The following ATP2B4 variants were observed in gnomAD, a reference collection of about 807,000 sequenced individuals.
ATP2B4 encodes the protein ATPase plasma membrane Ca2+ transporting 4.
In ATP2B4, 39 loss-of-function variants were observed where a neutral mutation model predicts 110.3. The ratio of observed to expected loss-of-function variants is 0.35; its 90% confidence interval spans 0.27 to 0.46. ATP2B4 has a LOEUF of 0.46. ATP2B4 is among the 20% of genes least tolerant of loss of function. The pLI, the probability that ATP2B4 is intolerant of heterozygous loss-of-function variation, is 1.00. For synonymous variants in ATP2B4, 538 were observed against 571.7 expected (o/e 0.94, Z 0.84); for missense variants, 1,135 against 1,530.9 (o/e 0.74, Z 4.32).
chr1:203,707,218 G>A lies in ATP2B4; in HGVS notation c.1309G>A (p.Val437Met), dbSNP rs1445932979. ...LAVTISLAYSVKKMMKDNNLV... is the reference protein window; with the variant it reads ...LAVTISLAYSMKKMMKDNNLV... ...TGTCACCATCTCACTGGCCTACTCT[G>A]TGAAGGTGAGACTAGAACAATCCTA... The change falls in exon 9 of 21, where the codon GTG becomes ATG. Residue 437 changes from valine to methionine, a missense_variant. Transcript: ENST00000357681. 3 of 1,613,114 alleles carry A rather than the reference G, an allele frequency of 1.9e-6. No homozygotes were observed. The highest frequency in any genetic ancestry group is 2.5e-6 in the Non-Finnish European group (3 of 1,179,446).
chr1:203,711,646 C>A (rs1243304191), intron 12 of ATP2B4, among the ~76,000 whole-genome samples: 2 of 152,154 alleles, frequency 1.3e-5, no homozygotes, highest in Non-Finnish European at 2.9e-5. Context: ...CTGGCCAAAT[C>A]GCAAAATGCC....
intron 1 of ATP2B4, among the ~76,000 whole-genome samples, chr1:203,646,142 C>T (rs781328542): frequency 7.2e-5 from 11 of 151,990 alleles, no homozygotes; most frequent in Non-Finnish European, 1.5e-4. Context: ...ATTTCAGGCA[C>T]CAAGACACAT....
At chr1:203,667,391 T>A (rs1664538445) in intron 1 of ATP2B4, among the ~76,000 whole-genome samples, 2 of 152,182 alleles carry the variant, frequency 1.3e-5, no homozygotes, top group African/African-American at 4.8e-5. Context: ...AGGGAGTGGA[T>A]ATGGGCAGCA....
intron 1 of ATP2B4, chr1:203,656,985 A>G: frequency 1.4e-6 from 1 of 728,074 alleles, no homozygotes; most frequent in Non-Finnish European, 2.5e-6. Context: ...GTAAGACTGC[A>G]TTTATGCAGC....
intron 7 of ATP2B4, 78 bp downstream of exon 7, chr1:203,702,157 C>G (rs2102388489): frequency 6.5e-7 from 1 of 1,539,168 alleles, no homozygotes; most frequent in Non-Finnish European, 9.0e-7. Flanking sequence ...TCTTCCTTCT[C>G]CCTTTTCCTC....
intron 1 of ATP2B4, among the ~76,000 whole-genome samples, chr1:203,664,363 C>A (rs752311450): frequency 6.6e-6 from 1 of 152,168 alleles, no homozygotes; most frequent in East Asian, 1.9e-4. Context: ...GCCAGAGGCA[C>A]GGGGAGGCTC....
chr1:203,733,673 C>G (rs949347694), intron 20 of ATP2B4: 11 of 391,250 alleles, frequency 2.8e-5, no homozygotes, highest in African/African-American at 2.3e-4. Context: ...TCATTTCTTC[C>G]TTTTCTTGAG....
At chr1:203,689,806 T>C (rs778278787) in intron 2 of ATP2B4, among the ~76,000 whole-genome samples, 3 of 152,168 alleles carry the variant, frequency 2.0e-5, no homozygotes, top group Non-Finnish European at 4.4e-5. Context: ...AGGGCTTCGA[T>C]GAGGAAGAGC....
chr1:203,637,290 G>T (rs1373037812), intron 1 of ATP2B4, among the ~76,000 whole-genome samples: 1 of 152,106 alleles, frequency 6.6e-6, no homozygotes, highest in Non-Finnish European at 1.5e-5. Flanking sequence ...AATTAGCCGG[G>T]CGAGGTGGCA....
At chr1:203,698,678 C>T (rs920594598) in intron 3 of ATP2B4, among the ~76,000 whole-genome samples, 14 of 151,780 alleles carry the variant, frequency 9.2e-5, no homozygotes, top group African/African-American at 3.4e-4. Context: ...GAATCTTGCT[C>T]TGTCACCCAG....
chr1:203,653,960 A>AATATAT (rs376712958), intron 1 of ATP2B4, among the ~76,000 whole-genome samples: 1 of 132,448 alleles, frequency 7.6e-6, no homozygotes, highest in African/African-American at 2.9e-5. Flanking sequence ...TGGTTTGCCA[A>AATATAT]ATATATATAT....
chr1:203,728,413 T>C (rs1481928969), intron 20 of ATP2B4: 1 of 247,370 alleles, frequency 4.0e-6, no homozygotes, highest in African/African-American at 2.3e-5. Flanking sequence ...TTTATTGTTT[T>C]AATCCTGAGA....
At chr1:203,672,324 CTTTTTTTTTTTTTTTTTTTT>C (rs57144862) in intron 1 of ATP2B4, among the ~76,000 whole-genome samples, 2 of 79,626 alleles carry the variant, frequency 2.5e-5, no homozygotes, top group African/African-American at 1.1e-4. Context: ...TGCGGTGGCT[CTTTTTTTTTTTTTTTTTTTT>C]TTTTTTTTTT....
rs1235047751 is a variant in ATP2B4, at chr1:203,698,219, C to G, written c.256C>G (p.Pro86Ala). ...GCAGGTGTTTGGACACAACGTGATC[C>G]CCCCCAAAAAGCCCAAGACTTTCTT... ...RRQVFGHNVI[P>A]PKKPKTFLEL... The change falls in exon 3 of 21, where the codon CCC (proline) becomes GCC (alanine). Residue 86 changes from proline (P) to alanine (A), a missense_variant. By Grantham distance (27) the Pro-to-Ala change is conservative. This residue lies in a region of ATP2B4 where 122 missense variants were observed against 125.2 expected (regional missense o/e 0.97). Coordinates refer to ENST00000357681, the MANE Select transcript of ATP2B4 (RefSeq NM_001684.5). 1.9e-6 allele frequency: 3 copies of G among 1,614,020 alleles called. No homozygotes were observed. The highest frequency in any genetic ancestry group is 1.6e-4 in the Middle Eastern group (1 of 6,084).
chr1:203,650,563 A>G (rs921845296), intron 1 of ATP2B4, among the ~76,000 whole-genome samples: 4 of 152,176 alleles, frequency 2.6e-5, no homozygotes, highest in Non-Finnish European at 5.9e-5. Context: ...CCGCGCTGGT[A>G]GCCAGCTGAG....
At position 203,671,883 on chromosome 1, in the gene ATP2B4, C is replaced by T. The variant is rs1014862848; in HGVS notation, c.-464-10859C>T. 3.2e-4 allele frequency among the ~76,000 whole-genome samples: 49 copies of T among 152,214 alleles called. 1 individual carries two copies. The highest frequency in any genetic ancestry group is 2.6e-3 in the Admixed American group (39 of 15,280). ...CCTCTAGAGGTTGTTCTCTGCAACC[C>T]TCCAGCTAGAGTGAGCAGGCTCCTT... On this transcript the variant is annotated intron_variant, in intron 1 of 20. Transcript: ENST00000357681.
chr1:203,718,365 C>A (rs1425127781), intron 15 of ATP2B4, among the ~76,000 whole-genome samples: 1 of 152,124 alleles, frequency 6.6e-6, no homozygotes, highest in Non-Finnish European at 1.5e-5. Flanking sequence ...GTGGCATGAT[C>A]TTGGCTCACT....
chr1:203,637,919 G>T (rs142538438), intron 1 of ATP2B4, among the ~76,000 whole-genome samples: 1 of 151,674 alleles, frequency 6.6e-6, no homozygotes, highest in East Asian at 1.9e-4. Context: ...ATACAAGAGC[G>T]GGAACACACA....
chr1:203,714,323 T>G, intron 15 of ATP2B4, 46 bp downstream of exon 15: 1 of 1,606,704 alleles, frequency 6.2e-7, no homozygotes, highest in Non-Finnish European at 8.5e-7. Context: ...GCCTTCTCCA[T>G]CAGGAAGCCA....
Sources: allele counts gnomAD v4.1 joint callset (sites outside exome capture counted in the v4.1 genomes callset), GRCh38; gene constraint gnomAD v4.1.1; regional missense constraint gnomAD v4.1.1; transcripts MANE v1.5; gene names NCBI Gene and HGNC (gene_info 2026-07-23, HGNC 2026-07-21).